The following SLC14A2 variants were observed in gnomAD, a reference collection of about 807,000 sequenced individuals.
SLC14A2 encodes solute carrier family 14 member 2, also known as urea transporter 2.
SLC14A2 carries 91 observed loss-of-function variants against 104.6 expected under a neutral mutation model. The ratio of observed to expected loss-of-function variants is 0.87; its 90% CI spans 0.73 to 1.04. The LOEUF is 1.04. Ranked by LOEUF, SLC14A2 falls within the 50% of genes least tolerant of loss-of-function variation. The probability of loss-of-function intolerance (pLI) is 0.00; values close to 1 mark genes in which losing one functional copy is unlikely to be tolerated. For missense variants in SLC14A2, 1,189 were observed against 1,156.0 expected (o/e 1.03, Z -0.41); for synonymous variants, 476 against 466.4 (o/e 1.02, Z -0.27).
chr18:45,219,056 A>G (rs1599582302), intron 1 of SLC14A2, among the ~76,000 whole-genome samples: 2 of 152,334 alleles, frequency 1.3e-5, no homozygotes, highest in South Asian at 2.1e-4. Flanking sequence ...CATCTGAAAA[A>G]CAAAAAATGT....
chr18:45,174,520 T>C, the SLC14A2 span, among the ~76,000 whole-genome samples: 2 of 151,860 alleles, frequency 1.3e-5, no homozygotes, highest in East Asian at 3.9e-4. Flanking sequence ...GTGGAGAGAG[T>C]CTGCCAGAAT....
At chr18:45,336,394 G>A (rs575944917) in intron 1 of SLC14A2, among the ~76,000 whole-genome samples, 1 of 152,086 alleles carries the variant, frequency 6.6e-6, no homozygotes, top group East Asian at 1.9e-4. Flanking sequence ...GCCTGCCATA[G>A]TTAATAATTC....
intron 2 of SLC14A2, among the ~76,000 whole-genome samples, chr18:45,556,318 A>G (rs1416764285): frequency 6.6e-6 from 1 of 152,138 alleles, no homozygotes; most frequent in Admixed American, 6.5e-5. Context: ...TTAGTGTTTT[A>G]CCCTGCAGGT....
At chr18:45,437,691 C>T (rs1464458254) in intron 1 of SLC14A2, among the ~76,000 whole-genome samples, 4 of 152,198 alleles carry the variant, frequency 2.6e-5, no homozygotes. Flanking sequence ...GCCTAAGCTC[C>T]AATCTCAGCA....
the SLC14A2 span, among the ~76,000 whole-genome samples, chr18:45,194,260 C>A: frequency 1.3e-5 from 2 of 152,120 alleles, no homozygotes; most frequent in Non-Finnish European, 2.9e-5. Flanking sequence ...AAAGCAAAAA[C>A]CTTGCCTTGT....
rs775895583 is a variant in SLC14A2 at position 45,669,497 on chromosome 18, T to C, written c.2228T>C (p.Leu743Ser). 1.2e-6 allele frequency: 2 copies of C among 1,612,558 alleles called. No homozygotes were observed. The highest frequency in any genetic ancestry group is 3.3e-4 in the Middle Eastern group (2 of 6,048). Residue 743 changes from leucine to serine, a missense_variant and splice_region_variant, in exon 16 of 20, where the codon TTG becomes TCG. Physicochemically the swap from Leu to Ser is moderately radical, Grantham distance 145. Transcript: ENST00000255226. ...NITWSEVQVP[L>S]LLRAIPVGIG... ...ACCTGGTCAGAGGTCCAAGTGCCCTTGGTACGTATCATGGAAGGAGGAAGG... is the reference window on the plus strand; with the variant it reads ...ACCTGGTCAGAGGTCCAAGTGCCCTCGGTACGTATCATGGAAGGAGGAAGG...
chr18:45,182,947 A>C, the SLC14A2 span, among the ~76,000 whole-genome samples: 1 of 152,192 alleles, frequency 6.6e-6, no homozygotes, highest in Non-Finnish European at 1.5e-5. Flanking sequence ...TTAAATAAAA[A>C]TCATGAGGGA....
chr18:45,563,461 T>C (rs1035811416), intron 2 of SLC14A2, among the ~76,000 whole-genome samples: 1 of 152,234 alleles, frequency 6.6e-6, no homozygotes, highest in Non-Finnish European at 1.5e-5. Context: ...TATAATTTTA[T>C]TGAGAAAGAA....
At chr18:45,485,413 C>G (rs899052384) in intron 2 of SLC14A2, 1 of 152,146 alleles carries the variant, frequency 6.6e-6, no homozygotes, top group African/African-American at 2.4e-5. Context: ...GGTCATCTTA[C>G]TTTTTTCAAG....
intron 2 of SLC14A2, among the ~76,000 whole-genome samples, chr18:45,540,235 C>T (rs546044626): frequency 4.9e-4 from 74 of 152,258 alleles, no homozygotes; most frequent in Non-Finnish European, 1.2e-4. Flanking sequence ...TTGGACTCTC[C>T]TTCCTGGCCC....
In SLC14A2 at chr18:45,538,029, A is replaced by T. The variant is rs901309377; in HGVS notation, c.-35+54707A>T. Reference sequence around the variant, plus strand: ...AACCTAAAGTAACACTCATTTGCTCACACAGTTTCTGAGGTCAGGAATGAG... The same window carrying T: ...AACCTAAAGTAACACTCATTTGCTCTCACAGTTTCTGAGGTCAGGAATGAG... On this transcript the variant is annotated intron_variant, in intron 2 of 20. Coordinates refer to the SLC14A2 transcript ENST00000586448. 6.6e-5 allele frequency among the ~76,000 whole-genome samples: 10 copies of T among 152,198 alleles called. No homozygotes were observed. In the South Asian group the frequency reaches 1.9e-3, roughly 28 times the overall value.
intron 1 of SLC14A2, among the ~76,000 whole-genome samples, chr18:45,270,386 G>A (rs1420155000): frequency 6.6e-6 from 1 of 152,174 alleles, no homozygotes; most frequent in Non-Finnish European, 1.5e-5. Context: ...GGGAAGAGAA[G>A]CCACTTTCTG....
chr18:45,362,652 G>T (rs1568167662), intron 1 of SLC14A2, among the ~76,000 whole-genome samples: 1 of 152,140 alleles, frequency 6.6e-6, no homozygotes, highest in Non-Finnish European at 1.5e-5. Flanking sequence ...AAAATCAGAG[G>T]ATTTAGGGCA....
chr18:45,495,997 G>A (rs1568241248), intron 2 of SLC14A2, among the ~76,000 whole-genome samples: 1 of 152,246 alleles, frequency 6.6e-6, no homozygotes, highest in Non-Finnish European at 1.5e-5. Context: ...GAAGCTCCGT[G>A]TGGCAACACC....
intron 2 of SLC14A2, among the ~76,000 whole-genome samples, chr18:45,525,153 A>G (rs931875197): frequency 2.0e-5 from 3 of 151,926 alleles, no homozygotes; most frequent in African/African-American, 7.3e-5. Context: ...ACACACACAC[A>G]CAAAACTCTC....
At chr18:45,643,016 C>A in intron 8 of SLC14A2, 116 bp from the exon 9 acceptor site, 14 of 845,162 alleles carry the variant, frequency 1.7e-5, no homozygotes, top group African/African-American at 5.0e-5. Context: ...GAATCTGAGG[C>A]TGCAGGAGAG....
intron 1 of SLC14A2, among the ~76,000 whole-genome samples, chr18:45,350,472 A>C (rs181119831): frequency 6.6e-6 from 1 of 152,226 alleles, no homozygotes; most frequent in Non-Finnish European, 1.5e-5. Context: ...TGGCAGGACC[A>C]GCACAGCTCT....
At chr18:45,242,406 A>G (rs1444305572) in intron 1 of SLC14A2, among the ~76,000 whole-genome samples, 6 of 152,220 alleles carry the variant, frequency 3.9e-5, no homozygotes, top group African/African-American at 7.2e-5. Flanking sequence ...TGAGCAAACA[A>G]TTGGGAAACT....
chr18:45,308,905 A>C (rs1024388231), intron 1 of SLC14A2, among the ~76,000 whole-genome samples: 7 of 152,074 alleles, frequency 4.6e-5, no homozygotes, highest in Admixed American at 4.6e-4. Context: ...TGGGGTTTCC[A>C]TGACTGGGAT....
Sources: gnomAD v4.1 joint callset for allele counts (sites outside exome capture counted in the v4.1 genomes callset) on GRCh38, gnomAD v4.1.1 for gene constraint, MANE v1.5 for transcripts, NCBI Gene and HGNC (gene_info 2026-07-23, HGNC 2026-07-21) for gene names.